Variants in ZDHHC15 observed in about 807,000 individuals in gnomAD.
ZDHHC15 encodes the protein palmitoyltransferase ZDHHC15.
ZDHHC15 carries 19 observed loss-of-function variants against 31.7 expected under a neutral mutation model. The ratio of observed to expected loss-of-function variants is 0.60; its 90% confidence interval spans 0.42 to 0.88. The LOEUF (loss-of-function observed/expected upper bound fraction) is 0.88, where lower values mean the gene tolerates loss of function less well. Among genes scored for constraint, ZDHHC15 ranks in the 40% least tolerant of loss-of-function variants. ZDHHC15 has a pLI of 0.00. For synonymous variants in ZDHHC15, 103 were observed against 90.0 expected, an observed-to-expected ratio of 1.14 and a Z score of -0.82; for missense variants, 209 against 251.2, an observed-to-expected ratio of 0.83 and a Z score of 1.14.
Position 75,494,037 on chromosome X carries a change from T to C in ZDHHC15, c.163+11784A>G, listed in dbSNP as rs778354397. 3.6e-5 allele frequency among the ~76,000 whole-genome samples: 4 copies of C among 111,454 alleles called. 1 individual carries two copies. In the South Asian group the frequency reaches 1.5e-3, roughly 42 times the overall value. On this transcript the variant is annotated intron_variant, in intron 2 of 11. Coordinates refer to ENST00000373367, the MANE Select transcript of ZDHHC15 (RefSeq NM_144969.3). Reference sequence around the variant, plus strand: ...AGGATTGTATATCTAGAAAACCCTATCATCTCAGGCCAAAATCTCCTTAAA... The same window carrying C: ...AGGATTGTATATCTAGAAAACCCTACCATCTCAGGCCAAAATCTCCTTAAA...
At chrX:75,433,200 T>C (rs2083802727) in intron 4 of ZDHHC15, among the ~76,000 whole-genome samples, 1 of 112,139 alleles carries the variant, frequency 8.9e-6, no homozygotes, top group South Asian at 3.7e-4. Context: ...AGCTTGCTCC[T>C]GTTTCAAGGC....
At chrX:75,476,267 A>C (rs2147972738) in intron 3 of ZDHHC15, among the ~76,000 whole-genome samples, 1 of 110,574 alleles carries the variant, frequency 9.0e-6, no homozygotes. Flanking sequence ...TTTTTTAAGA[A>C]ATTTGGGAAG....
At chrX:75,477,679 G>T (rs1464516960) in intron 3 of ZDHHC15, among the ~76,000 whole-genome samples, 1 of 111,062 alleles carries the variant, frequency 9.0e-6, no homozygotes, top group East Asian at 2.8e-4. Context: ...AACCACCCTT[G>T]CTCTGTTTTG....
At chrX:75,417,235 C>CT (rs1569318741) in intron 9 of ZDHHC15, 45 bp from the exon 10 acceptor site, 2 of 963,392 alleles carry the variant, frequency 2.1e-6, no homozygotes, top group Admixed American at 4.9e-5. Flanking sequence ...CTGACATAGA[C>CT]TTTTGTGAAG....
intron 10 of ZDHHC15, among the ~76,000 whole-genome samples, chrX:75,392,081 G>A (rs1051811307): frequency 1.8e-5 from 2 of 112,179 alleles, no homozygotes; most frequent in East Asian, 5.6e-4. Flanking sequence ...GTATTAGTCA[G>A]GGTTCCCTAG....
At chrX:75,484,664 T>G (rs187146051) in intron 2 of ZDHHC15, among the ~76,000 whole-genome samples, 11 of 112,110 alleles carry the variant, frequency 9.8e-5, no homozygotes, top group Admixed American at 1.9e-4. Context: ...TGGCAGTTTC[T>G]TATAAGGTTA....
At chrX:75,490,024 A>G (rs748097751) in intron 2 of ZDHHC15, among the ~76,000 whole-genome samples, 1 of 111,788 alleles carries the variant, frequency 8.9e-6, no homozygotes, top group Admixed American at 9.5e-5. Flanking sequence ...ATGAAGCGAG[A>G]AGAGAGGTTT....
chrX:75,492,227 C>T (rs976481229), intron 2 of ZDHHC15, among the ~76,000 whole-genome samples: 1 of 111,491 alleles, frequency 9.0e-6, no homozygotes, highest in African/African-American at 3.3e-5. Flanking sequence ...ATAAGAAGAG[C>T]TAACTATCCT....
chrX:75,510,324 A>G (rs2085241545), intron 1 of ZDHHC15, among the ~76,000 whole-genome samples: 1 of 110,916 alleles, frequency 9.0e-6, no homozygotes, highest in South Asian at 3.8e-4. Context: ...ATTTGTTACA[A>G]CAAGTTACTA....
At chrX:75,439,808 C>T (rs1021429328) in intron 4 of ZDHHC15, among the ~76,000 whole-genome samples, 2 of 111,324 alleles carry the variant, frequency 1.8e-5, no homozygotes, top group African/African-American at 6.5e-5. Context: ...GTCAGAGGAA[C>T]GTTCTGTGGC....
rs747179937 is a variant in ZDHHC15 at position 75,415,066 on chromosome X, G to A, written c.967+2021C>T. 1.7e-4 allele frequency among the ~76,000 whole-genome samples: 19 copies of A among 110,818 alleles called. 1 individual carries two copies. In the East Asian group the frequency reaches 4.8e-3, roughly 28 times the overall value. ...TGGGATTACAAGCGTGAGCTACAGC[G>A]CCCGGCCATACAAGCACATTTATAC... On this transcript the variant is annotated intron_variant, in intron 10 of 11. Coordinates refer to ENST00000373367, the MANE Select transcript of ZDHHC15 (RefSeq NM_144969.3).
At chrX:75,400,373 A>G (rs751634697) in intron 10 of ZDHHC15, among the ~76,000 whole-genome samples, 5 of 111,919 alleles carry the variant, frequency 4.5e-5, no homozygotes, top group Non-Finnish European at 9.4e-5. Flanking sequence ...AGCTGAGGAA[A>G]GAATCTCAGA....
At chrX:75,441,930 G>A (rs971086787) in intron 4 of ZDHHC15, among the ~76,000 whole-genome samples, 4 of 111,108 alleles carry the variant, frequency 3.6e-5, no homozygotes, top group Non-Finnish European at 7.5e-5. Context: ...GCCACCCTGT[G>A]GTAGTTCTTA....
chrX:75,380,237 C>T (rs189632709), intron 10 of ZDHHC15, among the ~76,000 whole-genome samples: 46 of 112,060 alleles, frequency 4.1e-4, no homozygotes, highest in Non-Finnish European at 5.6e-5. Context: ...TCTCATCTTG[C>T]CTACCCAACA....
chrX:75,500,777 C>G (rs958199090), intron 2 of ZDHHC15, among the ~76,000 whole-genome samples: 1 of 108,644 alleles, frequency 9.2e-6, no homozygotes, highest in Non-Finnish European at 1.9e-5. Context: ...TTATTGAGAG[C>G]ACTGAGATAA....
intron 10 of ZDHHC15, among the ~76,000 whole-genome samples, chrX:75,412,754 G>T (rs1182026010): frequency 8.9e-6 from 1 of 111,735 alleles, no homozygotes; most frequent in Admixed American, 9.5e-5. Context: ...TAAAAAGAAG[G>T]CCATTCTTCC....
chrX:75,405,077 G>T (rs1244400984), intron 10 of ZDHHC15, among the ~76,000 whole-genome samples: 1 of 111,978 alleles, frequency 8.9e-6, no homozygotes, highest in Non-Finnish European at 1.9e-5. Flanking sequence ...GTCTTTTGTG[G>T]GAATATGGAT....
At chrX:75,390,348 C>T (rs1381846248) in intron 10 of ZDHHC15, among the ~76,000 whole-genome samples, 1 of 111,687 alleles carries the variant, frequency 9.0e-6, no homozygotes, top group African/African-American at 3.3e-5. Flanking sequence ...GATTGTAGAG[C>T]CCTAGGGCCT....
Position 75,433,557 on chromosome X carries a change from A to G in ZDHHC15, c.380-2037T>C, listed in dbSNP as rs745537722. Among the ~76,000 whole-genome samples the G allele has an allele frequency of 5.6e-4, 62 of 110,010 alleles. 1 individual carries two copies. The highest frequency in any genetic ancestry group is 1.5e-4 in the Non-Finnish European group (8 of 52,832). On this transcript the variant is annotated intron_variant, in intron 4 of 11. Coordinates refer to ENST00000373367, the MANE Select transcript of ZDHHC15 (RefSeq NM_144969.3). ...AGGTTTTCCACTCCTGAGTTACTTT[A>G]CATAGAATAATGGTCTCCAACTCCA...
Sources: allele counts gnomAD v4.1 joint callset (sites outside exome capture counted in the v4.1 genomes callset), GRCh38; gene constraint gnomAD v4.1.1; transcripts MANE v1.5; gene names NCBI Gene and HGNC (gene_info 2026-07-23, HGNC 2026-07-21).